Variants in CFAP44 observed in about 807,000 individuals in gnomAD.
The protein encoded by CFAP44 is cilia- and flagella-associated protein 44.
Under a neutral mutation model 216.2 loss-of-function variants are expected in CFAP44, and 134 were observed. That is an observed-to-expected ratio of 0.62 (90% confidence interval 0.54 to 0.72). The LOEUF is 0.72. Among genes scored for constraint, CFAP44 ranks in the 30% least tolerant of loss-of-function variants. The pLI, the probability that CFAP44 is intolerant of heterozygous loss-of-function variation, is 0.00. For synonymous variants in CFAP44, 700 were observed against 727.6 expected (o/e 0.96, Z 0.61); for missense variants, 2,035 against 2,182.1 (o/e 0.93, Z 1.34).
At chr3:113,420,290 G>A in intron 4 of CFAP44, 111 bp from the exon 5 acceptor site, 12 of 1,118,610 alleles carry the variant, frequency 1.1e-5, no homozygotes, top group Non-Finnish European at 1.4e-5. Context: ...ATGTGAGGTT[G>A]AAGTAGTTGA....
chr3:113,361,406 GACT>G (rs899430245), intron 21 of CFAP44: 5 of 162,812 alleles, frequency 3.1e-5, no homozygotes, highest in East Asian at 1.7e-4. Flanking sequence ...ATCAAAAAAT[GACT>G]ACTATTATTT....
At position 113,407,217 on chromosome 3, in the gene CFAP44, G is replaced by A. The variant is rs372276161; in HGVS notation, c.891-176C>T. On this transcript the variant is annotated intron_variant, in intron 7 of 34. Coordinates refer to ENST00000393845, the MANE Select transcript of CFAP44 (RefSeq NM_001164496.2). ...CCTGCCCGGCAAGGTTGTAGGCAATGTGAATTCTGCAATGATCAAAACAGG... is the reference window on the plus strand; with the variant it reads ...CCTGCCCGGCAAGGTTGTAGGCAATATGAATTCTGCAATGATCAAAACAGG... Among the ~76,000 whole-genome samples, 14 of 152,266 alleles carry A rather than the reference G, an allele frequency of 9.2e-5. No homozygotes were observed. In the East Asian group the frequency reaches 2.1e-3, roughly 23 times the overall value.
intron 32 of CFAP44, 124 bp from the exon 33 acceptor site, chr3:113,297,009 T>A: frequency 8.6e-7 from 1 of 1,165,362 alleles, no homozygotes; most frequent in Non-Finnish European, 1.2e-6. Flanking sequence ...ATGCCATCAG[T>A]GATTTTTCTT....
rs1278008332 is a variant in CFAP44, at chr3:113,400,613, T to C, written c.1406A>G (p.His469Arg). The C allele has an allele frequency of 6.2e-7, 1 of 1,610,974 alleles. No individual in the cohort carries two copies. Among genetic ancestry groups the C allele is most frequent in the South Asian group, 1.1e-5 (1 of 90,758 alleles). ...TQDPECLFSF[H>R]SGAIEAVAVS... ...AGCCACGGCTTCAATAGCTCCAGAA[T>C]GGAAGGAGAAGAGGCATTCTGGGTC... is the stretch of plus-strand genomic sequence containing the variant. The change falls in exon 12 of 35, where the codon CAT (histidine) becomes CGT (arginine). Residue 469 changes from histidine to arginine, a missense_variant. Coordinates refer to ENST00000393845, the MANE Select transcript of CFAP44 (RefSeq NM_001164496.2).
At chr3:113,350,129 A>T (rs577498259) in intron 22 of CFAP44, among the ~76,000 whole-genome samples, 3 of 152,312 alleles carry the variant, frequency 2.0e-5, no homozygotes, top group Admixed American at 1.3e-4. Flanking sequence ...AGGGGAGAAC[A>T]GCAGCATAAG....
intron 22 of CFAP44, among the ~76,000 whole-genome samples, chr3:113,353,460 A>G (rs1950464378): frequency 2.5e-5 from 2 of 78,794 alleles, no homozygotes; most frequent in African/African-American, 1.4e-4. Context: ...GAATACACAC[A>G]CACACACACA....
chr3:113,304,981 T>G (rs1432101259), intron 31 of CFAP44, 55 bp downstream of exon 31: 3 of 1,460,274 alleles, frequency 2.1e-6, no homozygotes, highest in Non-Finnish European at 2.8e-6. Flanking sequence ...TCTGAAAAGC[T>G]TGGGTGTGAT....
intron 15 of CFAP44, among the ~76,000 whole-genome samples, chr3:113,394,980 G>T (rs930562770): frequency 6.6e-6 from 1 of 152,174 alleles, no homozygotes; most frequent in African/African-American, 2.4e-5. Context: ...CCACTACAGT[G>T]CCTAGAAAAG....
At chr3:113,340,550 C>T (rs1033483888) in intron 24 of CFAP44, among the ~76,000 whole-genome samples, 3 of 152,186 alleles carry the variant, frequency 2.0e-5, no homozygotes, top group Non-Finnish European at 2.9e-5. Context: ...CCTTGTCCCC[C>T]TCGCAGGGTG....
chr3:113,380,898 C>G lies in CFAP44; in HGVS notation c.2052+1G>C. ...GATAATGCTTCAGGAATATTCCATA[C>G]CAGAATCTTAGATTTGACACTTGAA... On this transcript the variant is annotated splice_donor_variant, in intron 16 of 34. Coordinates refer to ENST00000393845, the MANE Select transcript of CFAP44 (RefSeq NM_001164496.2). LOFTEE classifies it high-confidence loss of function. 1 of 1,567,308 alleles carries G rather than the reference C, an allele frequency of 6.4e-7. No homozygotes were observed. The highest frequency in any genetic ancestry group is 8.6e-7 in the Non-Finnish European group (1 of 1,159,284).
Position 113,296,711 on chromosome 3 carries a change from C to T in CFAP44, c.5238+14G>A, listed in dbSNP as rs1302077106. On this transcript the variant is annotated intron_variant, in intron 33 of 34. Coordinates refer to ENST00000393845, the MANE Select transcript of CFAP44 (RefSeq NM_001164496.2). ...CCAGATTCAACCAAAGATCAACCCC[C>T]TTCTCTTCCTTACCTCCCACATCTT... 86 of 1,535,550 alleles carry T rather than the reference C, an allele frequency of 5.6e-5. No individual in the cohort carries two copies. The highest frequency in any genetic ancestry group is 7.4e-5 in the Non-Finnish European group (85 of 1,145,226).
intron 2 of CFAP44, among the ~76,000 whole-genome samples, chr3:113,432,888 T>C (rs1327482068): frequency 2.0e-5 from 3 of 152,256 alleles, no homozygotes; most frequent in African/African-American, 7.2e-5. Flanking sequence ...TTCAATTTTC[T>C]ACATGCATCT....
chr3:113,291,387 G>T lies in CFAP44; in HGVS notation c.*170C>A. On this transcript the variant is annotated 3_prime_UTR_variant, in exon 35 of 35. Transcript: ENST00000393845. ...GGTTGGGTGCTGCAGTCAGTTCTAAGATAACCAAATTGTAGAGAGATTCTT... is the reference window on the plus strand; with the variant it reads ...GGTTGGGTGCTGCAGTCAGTTCTAATATAACCAAATTGTAGAGAGATTCTT... 1.3e-6 allele frequency: 1 copy of T among 770,114 alleles called. No homozygotes were observed. Among genetic ancestry groups the T allele is most frequent in the Non-Finnish European group, 2.0e-6 (1 of 494,814 alleles). 47.7% of individuals were successfully genotyped at this position (770,114 alleles called of 1,614,324 possible). A position where few individuals can be genotyped will look rare whatever the true frequency, so the allele number is the denominator to read the frequency against.
At chr3:113,297,002 C>T (rs142935053) in intron 32 of CFAP44, 117 bp from the exon 33 acceptor site, 2 of 1,212,636 alleles carry the variant, frequency 1.6e-6, no homozygotes, top group East Asian at 2.6e-5. Flanking sequence ...AGATTTTATG[C>T]CATCAGTGAT....
chr3:113,426,386 C>T, intron 3 of CFAP44, 109 bp from the exon 4 acceptor site: 2 of 1,196,780 alleles, frequency 1.7e-6, no homozygotes, highest in East Asian at 2.5e-5. Context: ...TGGGAGAGAC[C>T]TGGTAGGAGG....
At position 113,311,984 on chromosome 3, in the gene CFAP44, G is replaced by A. The variant is rs189969697; in HGVS notation, c.4517-3716C>T. Among the ~76,000 whole-genome samples, 5 of 152,126 alleles carry A rather than the reference G, an allele frequency of 3.3e-5. No homozygotes were observed. In the South Asian group the frequency reaches 6.2e-4, roughly 19 times the overall value. The stretch of plus-strand genomic sequence containing the variant: ...AGAGAGATGATTTAAGGTGTCTGGC[G>A]GGAGAAAATTCTAAGCAACAAAACA... On this transcript the variant is annotated intron_variant, in intron 28 of 34. Coordinates refer to ENST00000393845, the MANE Select transcript of CFAP44 (RefSeq NM_001164496.2).
intron 28 of CFAP44, among the ~76,000 whole-genome samples, chr3:113,320,617 T>A (rs1329381878): frequency 6.7e-6 from 1 of 148,432 alleles, no homozygotes; most frequent in Non-Finnish European, 1.5e-5. Flanking sequence ...TATTAAGGAG[T>A]TTATTAAGTG....
At chr3:113,421,936 A>G (rs1051262304) in intron 4 of CFAP44, among the ~76,000 whole-genome samples, 1 of 152,202 alleles carries the variant, frequency 6.6e-6, no homozygotes, top group Non-Finnish European at 1.5e-5. Flanking sequence ...CCTCAGTATC[A>G]CACAATATAT....
intron 15 of CFAP44, among the ~76,000 whole-genome samples, chr3:113,392,787 C>T (rs150741757): frequency 2.6e-5 from 4 of 152,212 alleles, no homozygotes; most frequent in African/African-American, 4.8e-5. Context: ...AAGAATAATA[C>T]GGGAGGAAGA....
Sources: gnomAD v4.1 joint callset for allele counts (sites outside exome capture counted in the v4.1 genomes callset) on GRCh38, gnomAD v4.1.1 for gene constraint, MANE v1.5 for transcripts, NCBI Gene and HGNC (gene_info 2026-07-23, HGNC 2026-07-21) for gene names.